The following XIAP variants were observed in gnomAD, a reference collection of about 807,000 sequenced individuals.
XIAP encodes X-linked inhibitor of apoptosis.
Under a neutral mutation model 33.1 loss-of-function variants are expected in XIAP, and 3 were observed. The ratio of observed to expected loss-of-function variants is 0.09; its 90% CI spans 0.04 to 0.23. XIAP has a LOEUF of 0.23. XIAP is among the 10% of genes least tolerant of loss of function. The pLI, the probability that XIAP is intolerant of heterozygous loss-of-function variation, is 1.00. For synonymous variants in XIAP, 98 were observed against 121.3 expected (o/e 0.81, Z 1.26); for missense variants, 264 against 363.0 (o/e 0.73, Z 2.22).
chrX:123,871,816 A>T (rs2053196076), intron 1 of XIAP, among the ~76,000 whole-genome samples: 2 of 111,305 alleles, frequency 1.8e-5, no homozygotes, highest in Admixed American at 9.7e-5. Context: ...ACAAAATATA[A>T]TAATGGCCGG....
rs1001508998 is a variant in XIAP at position 123,909,858 on chromosome X, G to A, written c.*2677G>A. 6.1e-6 allele frequency: 2 copies of A among 329,620 alleles called. No individual in the cohort carries two copies. Among genetic ancestry groups the A allele is most frequent in the Non-Finnish European group, 5.9e-6 (1 of 169,975 alleles). The allele number at this position is 329,620 out of a possible 1,213,427, so 27.2% of individuals were successfully genotyped here. A position where few individuals can be genotyped will look rare whatever the true frequency, so the allele number is the denominator to read the frequency against. ...TAATCAAATTTTTGGAGACTTAACA[G>A]CATTTGTCTGTGTTTGAACTATAAA... is the stretch of plus-strand genomic sequence containing the variant. On this transcript the variant is annotated 3_prime_UTR_variant, in exon 7 of 7. Coordinates refer to ENST00000371199, the MANE Select transcript of XIAP (RefSeq NM_001167.4).
chrX:123,910,782 G>A lies in XIAP; in HGVS notation c.*3601G>A, dbSNP rs2053592924. On this transcript the variant is annotated 3_prime_UTR_variant, in exon 7 of 7. Coordinates refer to ENST00000371199, the MANE Select transcript of XIAP (RefSeq NM_001167.4). ...ACTCGGGAGGCTGAGGCAGGAGAAT[G>A]GTGTGAACCCGGGAGGCAGAGCTTG... 1 of 275,614 alleles carries A rather than the reference G, an allele frequency of 3.6e-6. No individual in the cohort carries two copies. The allele number at this position is 275,614 out of a possible 1,213,427, so 22.7% of individuals were successfully genotyped here. A position where few individuals can be genotyped will look rare whatever the true frequency, so the allele number is the denominator to read the frequency against.
At chrX:123,874,530 A>G (rs2053224256) in intron 1 of XIAP, 2 of 111,266 alleles carry the variant, frequency 1.8e-5, no homozygotes, top group South Asian at 7.5e-4. Context: ...CCTGTATAAT[A>G]TATGCATGTT....
intron 3 of XIAP, among the ~76,000 whole-genome samples, chrX:123,890,400 G>A (rs1455810394): frequency 9.4e-6 from 1 of 106,633 alleles, no homozygotes; most frequent in East Asian, 3.1e-4. Context: ...GAGGCGGGTG[G>A]ATTGCTGGAG....
chrX:123,880,181 G>A (rs746030527), intron 1 of XIAP, among the ~76,000 whole-genome samples: 19 of 110,002 alleles, frequency 1.7e-4, no homozygotes, highest in African/African-American at 6.3e-4. Flanking sequence ...GGGAGGCCGA[G>A]GCGGGCGGAT....
In XIAP at chrX:123,884,060, T is replaced by C. The variant is rs780950372; in HGVS notation, c.-32-1571T>C. Among the ~76,000 whole-genome samples, 4 of 112,411 alleles carry C rather than the reference T, an allele frequency of 3.6e-5. No homozygotes were observed. In the South Asian group the frequency reaches 1.4e-3, roughly 40 times the overall value. Reference sequence around the variant, plus strand: ...GTATATGAGTTAATACCACTATAAATTGACATGGCCAGGAAAGACTGAAGT... The same window carrying C: ...GTATATGAGTTAATACCACTATAAACTGACATGGCCAGGAAAGACTGAAGT... On this transcript the variant is annotated intron_variant, in intron 1 of 6. Coordinates refer to ENST00000371199, the MANE Select transcript of XIAP (RefSeq NM_001167.4).
chrX:123,883,957 T>C (rs1297367588), intron 1 of XIAP, among the ~76,000 whole-genome samples: 1 of 111,943 alleles, frequency 8.9e-6, no homozygotes, highest in Non-Finnish European at 1.9e-5. Context: ...TTTTCAGACA[T>C]ATAGGAAATG....
chrX:123,859,708 G>A (rs1292914672), upstream of XIAP: 2 of 163,912 alleles, frequency 1.2e-5, no homozygotes, highest in Non-Finnish European at 2.3e-5. Flanking sequence ...CGGAGACTAC[G>A]AGGTGCTCAC....
chrX:123,867,735 G>A lies in XIAP; in HGVS notation c.-33+7442G>A, dbSNP rs748460319. Among the ~76,000 whole-genome samples the A allele has an allele frequency of 5.3e-4, 51 of 96,990 alleles. 1 individual carries two copies. The South Asian group carries it at 0.025, about 48-fold the overall frequency. 84.2% of individuals were successfully genotyped at this position (96,990 alleles called of 115,157 possible). ...GTTGCCCAGGCTGGAGCGCATTGGT[G>A]CAATCTCAGCTCACTGCAACCTCTG... is the stretch of plus-strand genomic sequence containing the variant. On this transcript the variant is annotated intron_variant, in intron 1 of 6. Transcript: ENST00000371199.
intron 1 of XIAP, among the ~76,000 whole-genome samples, chrX:123,869,541 A>C (rs1403019642): frequency 9.2e-6 from 1 of 108,735 alleles, no homozygotes; most frequent in Non-Finnish European, 1.9e-5. Flanking sequence ...AAGAAAAGAA[A>C]AAAAAAACAC....
chrX:123,888,620 T>C lies in XIAP; in HGVS notation c.879T>C (p.Gly293=). 8.3e-7 allele frequency: 1 copy of C among 1,209,491 alleles called. No homozygotes were observed. Among genetic ancestry groups the C allele is most frequent in the Non-Finnish European group, 1.1e-6 (1 of 893,543 alleles). Residue 293 remains glycine, a splice_region_variant and synonymous_variant, in exon 3 of 7, where the codon GGT becomes GGC. Transcript: ENST00000371199. ...QLARAGFYAL[G]EGDKVKCFHC... is the part of the protein sequence containing the mutation. The stretch of plus-strand genomic sequence containing the variant: ...ATATATTCCTGTGTGTTTTCGTAGG[T>C]GAAGGTGATAAAGTAAAGTGCTTTC...
chrX:123,873,806 C>G (rs1273213459), intron 1 of XIAP: 1 of 108,421 alleles, frequency 9.2e-6, no homozygotes, highest in Non-Finnish European at 1.9e-5. Flanking sequence ...TGGTAGCACA[C>G]GCCTGTAATC....
intron 3 of XIAP, 80 bp downstream of exon 3, chrX:123,888,798 A>G (rs1240238659): frequency 3.3e-6 from 3 of 900,440 alleles, no homozygotes; most frequent in African/African-American, 1.9e-5. Flanking sequence ...TACCTCAACT[A>G]TTTTTGCCTT....
At chrX:123,862,374 A>G (rs764930649) in intron 1 of XIAP, among the ~76,000 whole-genome samples, 2 of 94,221 alleles carry the variant, frequency 2.1e-5, no homozygotes, top group South Asian at 9.8e-4. Context: ...TGGCCAGTCC[A>G]TTTTTTTTTT....
At chrX:123,889,026 C>A (rs2053379838) in intron 3 of XIAP, among the ~76,000 whole-genome samples, 1 of 107,605 alleles carries the variant, frequency 9.3e-6, no homozygotes, top group African/African-American at 3.4e-5. Context: ...TCAAGTGATT[C>A]TTGTGCCTCA....
At chrX:123,888,036 A>AAATG (rs1332975963) in intron 2 of XIAP, among the ~76,000 whole-genome samples, 1 of 109,849 alleles carries the variant, frequency 9.1e-6, no homozygotes, top group Non-Finnish European at 1.9e-5. Flanking sequence ...ATAAATAAAT[A>AAATG]AATGAAAATA....
At position 123,908,795 on chromosome X, in the gene XIAP, G is replaced by T; in HGVS notation, c.*1614G>T. 1 of 348,625 alleles carries T rather than the reference G, an allele frequency of 2.9e-6. No individual in the cohort carries two copies. The highest frequency in any genetic ancestry group is 5.5e-6 in the Non-Finnish European group (1 of 182,029). 28.7% of individuals were successfully genotyped at this position (348,625 alleles called of 1,213,427 possible). A position where few individuals can be genotyped will look rare whatever the true frequency, so the allele number is the denominator to read the frequency against. On this transcript the variant is annotated 3_prime_UTR_variant, in exon 7 of 7. Coordinates refer to ENST00000371199, the MANE Select transcript of XIAP (RefSeq NM_001167.4). ...ATAAGAATCAGTAGGGTATAAACTA[G>T]AAGTTTAAAAATGCTTCATAGAACG...
intron 1 of XIAP, among the ~76,000 whole-genome samples, chrX:123,873,516 G>A (rs1013959119): frequency 9.2e-6 from 1 of 108,210 alleles, no homozygotes; most frequent in Non-Finnish European, 1.9e-5. Flanking sequence ...CGCCAGGCAC[G>A]GTGGCTCACG....
At chrX:123,889,500 C>T (rs951444928) in intron 3 of XIAP, among the ~76,000 whole-genome samples, 14 of 106,430 alleles carry the variant, frequency 1.3e-4, no homozygotes, top group South Asian at 4.4e-4. Flanking sequence ...GCCACTGCGC[C>T]TGGCCTCTAG....
Sources: gnomAD v4.1 joint callset for allele counts (sites outside exome capture counted in the v4.1 genomes callset) on GRCh38, gnomAD v4.1.1 for gene constraint, MANE v1.5 for transcripts, NCBI Gene and HGNC (gene_info 2026-07-23, HGNC 2026-07-21) for gene names.